Variants in SGCD observed in about 807,000 individuals in gnomAD.
SGCD encodes the protein sarcoglycan delta.
Under a neutral mutation model 36.6 loss-of-function variants are expected in SGCD, and 18 were observed. The observed-to-expected ratio is 0.49, with a 90% CI of 0.34 to 0.73. The LOEUF is 0.73. Ranked by LOEUF, SGCD falls within the 30% of genes least tolerant of loss-of-function variation. SGCD has a pLI of 0.01. For missense variants in SGCD, 387 were observed against 346.7 expected (o/e 1.12, Z -0.92); for synonymous variants, 133 against 130.6 (o/e 1.02, Z -0.12).
At chr5:156,627,748 C>T (rs1025764712) in intron 6 of SGCD, among the ~76,000 whole-genome samples, 6 of 152,098 alleles carry the variant, frequency 3.9e-5, no homozygotes, top group African/African-American at 1.2e-4. Flanking sequence ...ATATTAACAA[C>T]AACTATGCTA....
At chr5:156,088,490 GGTTT>G (rs137895094) in intron 1 of SGCD, among the ~76,000 whole-genome samples, 35,607 of 150,892 alleles carry the variant, frequency 0.24, 4,537 homozygotes, top group Non-Finnish European at 0.28. Context: ...GAGAAATAAG[GGTTT>G]GTTTGTTTGT....
chr5:156,457,235 T>C (rs996951016), intron 3 of SGCD, among the ~76,000 whole-genome samples: 1 of 152,210 alleles, frequency 6.6e-6, no homozygotes, highest in Non-Finnish European at 1.5e-5. Context: ...AAATAGCATT[T>C]TTTAAAAACT....
intron 6 of SGCD, among the ~76,000 whole-genome samples, chr5:156,604,227 A>G (rs1761323099): frequency 6.6e-6 from 1 of 151,460 alleles, no homozygotes; most frequent in Non-Finnish European, 1.5e-5. Flanking sequence ...CTTGCTTTTC[A>G]TTTCCATTTG....
intron 1 of SGCD, among the ~76,000 whole-genome samples, chr5:155,954,203 T>C (rs1405681328): frequency 6.6e-6 from 1 of 152,164 alleles, no homozygotes; most frequent in African/African-American, 2.4e-5. Flanking sequence ...TCAAAGAGCG[T>C]TTGAAAGTAT....
chr5:156,106,775 T>G (rs758347265), intron 1 of SGCD, among the ~76,000 whole-genome samples: 8 of 152,206 alleles, frequency 5.3e-5, no homozygotes, highest in Non-Finnish European at 1.0e-4. Context: ...CCCACTAATA[T>G]CTGTGTATAC....
chr5:156,027,113 G>A (rs10053395), intron 1 of SGCD, among the ~76,000 whole-genome samples: 29,222 of 152,120 alleles, frequency 0.19, 3,523 homozygotes, highest in Admixed American at 0.35. Flanking sequence ...TTTTGGTGAC[G>A]TAACTTGGTA....
intron 3 of SGCD, among the ~76,000 whole-genome samples, chr5:156,366,772 A>T (rs1167353030): frequency 6.6e-6 from 1 of 152,224 alleles, no homozygotes; most frequent in African/African-American, 2.4e-5. Context: ...CCACACCCAG[A>T]TAAATCCTGG....
intron 3 of SGCD, among the ~76,000 whole-genome samples, chr5:156,475,429 A>G (rs1755137887): frequency 1.3e-5 from 2 of 152,162 alleles, no homozygotes; most frequent in South Asian, 4.1e-4. Flanking sequence ...AGATTCATGC[A>G]GAAGAGAAAA....
intron 2 of SGCD, among the ~76,000 whole-genome samples, chr5:156,342,290 C>CA (rs1447141650): frequency 2.0e-5 from 3 of 152,220 alleles, no homozygotes; most frequent in Admixed American, 1.3e-4. Context: ...AGCTTCTGCA[C>CA]ACTTATTTGT....
intron 3 of SGCD, among the ~76,000 whole-genome samples, chr5:156,439,058 A>G (rs975156781): frequency 1.3e-5 from 2 of 151,996 alleles, no homozygotes; most frequent in African/African-American, 4.8e-5. Flanking sequence ...ACCCCACTCC[A>G]AACCACTGGG....
At chr5:155,975,887 C>G (rs1475959050) in intron 1 of SGCD, among the ~76,000 whole-genome samples, 1 of 151,892 alleles carries the variant, frequency 6.6e-6, no homozygotes, top group African/African-American at 2.4e-5. Context: ...ACCTCAGCCT[C>G]CCAAAGTGCT....
In SGCD at chr5:156,711,838, T is replaced by A. The variant is rs371683386; in HGVS notation, c.576-45743T>A. On this transcript the variant is annotated intron_variant, in intron 7 of 8. Transcript: ENST00000337851. The stretch of plus-strand genomic sequence containing the variant: ...TAGGCTAAAGTGAAAGCAAGTTTAT[T>A]AAGAAAGTAGAGAGACAAAAGAATG... Among the ~76,000 whole-genome samples the A allele has an allele frequency of 1.8e-3, 272 of 152,276 alleles. 1 individual carries two copies. The highest frequency in any genetic ancestry group is 6.0e-3 in the African/African-American group (250 of 41,554).
chr5:156,433,450 T>C (rs577177174), intron 3 of SGCD, among the ~76,000 whole-genome samples: 1 of 152,254 alleles, frequency 6.6e-6, no homozygotes, highest in African/African-American at 2.4e-5. Context: ...AAGGCCCACG[T>C]TGGTGGCTGA....
intron 4 of SGCD, among the ~76,000 whole-genome samples, chr5:156,581,092 G>C (rs1049212119): frequency 6.6e-6 from 1 of 152,140 alleles, no homozygotes; most frequent in Admixed American, 6.5e-5. Context: ...TTTTGGTGTG[G>C]ATGTCCTTTT....
intron 3 of SGCD, among the ~76,000 whole-genome samples, chr5:156,385,388 T>A (rs1771221102): frequency 6.6e-6 from 1 of 152,186 alleles, no homozygotes; most frequent in South Asian, 2.1e-4. Flanking sequence ...GCTTTTTAAG[T>A]ATGATTGCAA....
chr5:156,306,924 A>T (rs1391343832), intron 3 of SGCD, among the ~76,000 whole-genome samples: 1 of 152,134 alleles, frequency 6.6e-6, no homozygotes, highest in African/African-American at 2.4e-5. Flanking sequence ...AACTTTTATT[A>T]ATATATAATG....
At chr5:155,733,016 T>G in the SGCD span, among the ~76,000 whole-genome samples, 3 of 312 alleles carry the variant, frequency 9.6e-3, no homozygotes, top group South Asian at 0.38. Flanking sequence ...TTATACTCGT[T>G]TTTTTTTTTT....
chr5:156,356,277 C>T (rs1360619620), intron 3 of SGCD, among the ~76,000 whole-genome samples: 1 of 152,056 alleles, frequency 6.6e-6, no homozygotes, highest in Non-Finnish European at 1.5e-5. Flanking sequence ...CTGGGAGACT[C>T]AAAGGCCTGG....
intron 6 of SGCD, among the ~76,000 whole-genome samples, chr5:156,642,461 C>CTTTTTTTTTTTTTTTTT (rs58501471): frequency 1.2e-5 from 1 of 80,048 alleles, no homozygotes; most frequent in African/African-American, 5.8e-5. Context: ...CAGCATCAGT[C>CTTTTTTTTTTTTTTTTT]TTTTTTTTTT....
Sources: gnomAD v4.1 joint callset for allele counts (sites outside exome capture counted in the v4.1 genomes callset) on GRCh38, gnomAD v4.1.1 for gene constraint, MANE v1.5 for transcripts, NCBI Gene and HGNC (gene_info 2026-07-23, HGNC 2026-07-21) for gene names.